CACNG4: variants seen among roughly 807,000 people sequenced by gnomAD.
The protein encoded by CACNG4 is voltage-dependent calcium channel gamma-4 subunit.
A neutral mutation model predicts 22.9 loss-of-function variants in CACNG4; 8 were observed. The observed-to-expected ratio is 0.35, with a 90% confidence interval of 0.21 to 0.63. The LOEUF is 0.63. Ranked by LOEUF, CACNG4 falls within the 30% of genes least tolerant of loss-of-function variation. The pLI is 0.72. For missense variants in CACNG4, 357 were observed against 455.4 expected (o/e 0.78, Z 1.97); for synonymous variants, 188 against 191.9 (o/e 0.98, Z 0.17).
chr17:66,982,205 T>G (rs1323447407), intron 1 of CACNG4, among the ~76,000 whole-genome samples: 1 of 152,374 alleles, frequency 6.6e-6, no homozygotes, highest in East Asian at 1.9e-4. Flanking sequence ...CGCTGCTGGC[T>G]AGGGTGGCCA....
At chr17:66,979,745 CTTTTTTTT>C (rs35942551) in intron 1 of CACNG4, among the ~76,000 whole-genome samples, 1 of 92,020 alleles carries the variant, frequency 1.1e-5, no homozygotes, top group Non-Finnish European at 2.0e-5. Context: ...TCTTTTCATG[CTTTTTTTT>C]TTTTTTTTTT....
At chr17:66,989,819 T>C (rs2035328137) in intron 1 of CACNG4, among the ~76,000 whole-genome samples, 1 of 151,382 alleles carries the variant, frequency 6.6e-6, no homozygotes, top group Admixed American at 6.6e-5. Flanking sequence ...ATGTGGGTAC[T>C]GTTCCTTTCC....
rs1405350235 is a variant in CACNG4 at position 66,984,704 on chromosome 17, C to T, written c.220+19573C>T. Among the ~76,000 whole-genome samples the T allele has an allele frequency of 1.3e-5, 2 of 152,144 alleles. No individual in the cohort carries two copies. The highest frequency in any genetic ancestry group is 6.5e-5 in the Admixed American group (1 of 15,274). On this transcript the variant is annotated intron_variant, in intron 1 of 3. Transcript: ENST00000262138. This position sits in a 1 kb window ranked among gnomAD's most constrained non-coding sequence, Gnocchi z 4.0. ...CATGACCTCCCACTTGTTCCTGCCT[C>T]GCCATCTGCTTGTGCTGTCTCTCAT...
chr17:66,995,388 C>T (rs1172777649), intron 1 of CACNG4, among the ~76,000 whole-genome samples: 4 of 152,140 alleles, frequency 2.6e-5, no homozygotes, highest in Non-Finnish European at 5.9e-5. Flanking sequence ...GAAGGTCGGG[C>T]TCTTCAGCCC....
intron 2 of CACNG4, chr17:67,021,783 G>A (rs1180189705): frequency 2.0e-5 from 3 of 152,390 alleles, no homozygotes; most frequent in Non-Finnish European, 4.4e-5. Flanking sequence ...TGTGCCCGGG[G>A]GTGAGTTAGA....
chr17:66,992,280 G>C (rs530541865), intron 1 of CACNG4, among the ~76,000 whole-genome samples: 9 of 152,284 alleles, frequency 5.9e-5, no homozygotes, highest in African/African-American at 2.2e-4. Flanking sequence ...TTGGGGAGGA[G>C]ACGGGTGGGG....
At chr17:67,009,790 T>G (rs1014274989) in intron 1 of CACNG4, among the ~76,000 whole-genome samples, 5 of 152,164 alleles carry the variant, frequency 3.3e-5, no homozygotes, top group Admixed American at 3.3e-4. Context: ...CCAGAGTCTC[T>G]TTTAAAAGGA....
intron 1 of CACNG4, among the ~76,000 whole-genome samples, chr17:67,008,096 C>CT (rs2035447604): frequency 6.6e-6 from 1 of 152,232 alleles, no homozygotes; most frequent in Non-Finnish European, 1.5e-5. Flanking sequence ...TGCTACATCT[C>CT]TGAGTCCCCA....
intron 1 of CACNG4, among the ~76,000 whole-genome samples, chr17:66,973,183 T>C (rs1182467347): frequency 6.6e-6 from 1 of 150,864 alleles, no homozygotes; most frequent in African/African-American, 2.4e-5. Flanking sequence ...GAGGTTGCAC[T>C]GAGCTGAGAG....
In CACNG4 at chr17:67,033,279, G is replaced by GC. The variant is rs2035621157; in HGVS notation, c.*2280dup. 2.1e-5 allele frequency: 2 copies of GC among 93,420 alleles called. No homozygotes were observed. Among genetic ancestry groups the GC allele is most frequent in the African/African-American group, 4.1e-5 (1 of 24,570 alleles). The allele number at this position is 93,420 out of a possible 1,614,324, so 5.8% of individuals were successfully genotyped here. ...CACCTTCTCTCCCTCCTCCCGACCC[G>GC]CCCCCTCGCCCCCACCCCTGTGTGT... On this transcript the variant is annotated 3_prime_UTR_variant, in exon 4 of 4. Coordinates refer to ENST00000262138, the MANE Select transcript of CACNG4 (RefSeq NM_014405.4).
intron 1 of CACNG4, among the ~76,000 whole-genome samples, chr17:66,989,051 ACT>A (rs1305795915): frequency 2.5e-5 from 3 of 121,582 alleles, no homozygotes; most frequent in African/African-American, 1.1e-4. Context: ...ACAGAGCAAG[ACT>A]CTGCCTCAAA....
intron 1 of CACNG4, among the ~76,000 whole-genome samples, chr17:67,009,388 G>T (rs115516241): frequency 0.026 from 4,000 of 152,170 alleles, 168 homozygotes; most frequent in African/African-American, 0.092. Flanking sequence ...CACGTCCAAG[G>T]ATAGGAGCCA....
At chr17:66,990,535 AG>A (rs2035332884) in intron 1 of CACNG4, among the ~76,000 whole-genome samples, 1 of 152,116 alleles carries the variant, frequency 6.6e-6, no homozygotes, top group African/African-American at 2.4e-5. Flanking sequence ...TTTGGTGCAA[AG>A]GGTGGTCTCC....
chr17:66,988,757 G>C (rs1033843214), intron 1 of CACNG4, among the ~76,000 whole-genome samples: 1 of 152,064 alleles, frequency 6.6e-6, no homozygotes, highest in Non-Finnish European at 1.5e-5. Context: ...TCTTACGTAA[G>C]GCGTTGAAAA....
intron 1 of CACNG4, among the ~76,000 whole-genome samples, chr17:66,992,160 TG>T (rs10605777): frequency 0.53 from 74,092 of 139,502 alleles, 19,010 homozygotes; most frequent in African/African-American, 0.61. Flanking sequence ...GCCAAGCTCC[TG>T]GGGGGGGGGG....
At chr17:67,026,505 GTA>G (rs2035567705) in intron 3 of CACNG4, among the ~76,000 whole-genome samples, 12 of 116,426 alleles carry the variant, frequency 1.0e-4, no homozygotes, top group African/African-American at 4.3e-4. Flanking sequence ...GGAATGTGGT[GTA>G]TGTGTGTGTA....
intron 1 of CACNG4, among the ~76,000 whole-genome samples, chr17:67,003,649 G>A (rs1338842533): frequency 9.9e-5 from 15 of 152,168 alleles, no homozygotes; most frequent in Non-Finnish European, 1.5e-5. Flanking sequence ...CTGGTCACGT[G>A]TTGCCAGTAG....
intron 1 of CACNG4, among the ~76,000 whole-genome samples, chr17:66,996,221 G>A (rs1195394915): frequency 6.6e-5 from 10 of 151,244 alleles, no homozygotes; most frequent in South Asian, 2.1e-4. Context: ...TATCTTACTC[G>A]CTAGTGGTAA....
Position 67,000,814 on chromosome 17 carries a change from C to T in CACNG4, c.221-17375C>T, listed in dbSNP as rs187558748. 1.2e-3 allele frequency among the ~76,000 whole-genome samples: 189 copies of T among 152,292 alleles called. 1 individual carries two copies. The highest frequency in any genetic ancestry group is 2.0e-3 in the Non-Finnish European group (139 of 68,020). On this transcript the variant is annotated intron_variant, in intron 1 of 3. Coordinates refer to ENST00000262138, the MANE Select transcript of CACNG4 (RefSeq NM_014405.4). The stretch of plus-strand genomic sequence containing the variant: ...ATCCTCCCTTTCTGCTCCAAGTCAG[C>T]AGAAGACCTTGAGTAAGACTCTTTT...
Sources: gnomAD v4.1 joint callset for allele counts (sites outside exome capture counted in the v4.1 genomes callset) on GRCh38, gnomAD v4.1.1 for gene constraint, Gnocchi (gnomAD v3.1) non-coding constraint, MANE v1.5 for transcripts, NCBI Gene and HGNC (gene_info 2026-07-23, HGNC 2026-07-21) for gene names.